ARMC9: variants seen among roughly 807,000 people sequenced by gnomAD.
ARMC9 encodes lisH domain-containing protein ARMC9.
In ARMC9, 94 loss-of-function variants were observed where a neutral mutation model predicts 107.0. The ratio of observed to expected loss-of-function variants is 0.88; its 90% CI spans 0.74 to 1.04. ARMC9 has a LOEUF of 1.04. ARMC9 is among the 50% of genes least tolerant of loss of function. The probability of loss-of-function intolerance (pLI) is 0.00; values close to 1 mark genes in which losing one functional copy is unlikely to be tolerated. For synonymous variants in ARMC9, 380 were observed against 396.9 expected (o/e 0.96, Z 0.51); for missense variants, 942 against 1,030.1 (o/e 0.91, Z 1.17).
At chr2:231,232,832 A>G (rs2035361821) in intron 7 of ARMC9, among the ~76,000 whole-genome samples, 1 of 151,986 alleles carries the variant, frequency 6.6e-6, no homozygotes, top group African/African-American at 2.4e-5. Context: ...ATTATCATTG[A>G]TATTTTGGGT....
At chr2:231,312,957 G>A (rs889171188) in intron 19 of ARMC9, among the ~76,000 whole-genome samples, 1 of 152,064 alleles carries the variant, frequency 6.6e-6, no homozygotes, top group Non-Finnish European at 1.5e-5. Flanking sequence ...AACTGACTTG[G>A]CTAGAATTCA....
At chr2:231,308,269 C>G (rs539143944) in intron 19 of ARMC9, among the ~76,000 whole-genome samples, 1 of 152,364 alleles carries the variant, frequency 6.6e-6, no homozygotes, top group African/African-American at 2.4e-5. Flanking sequence ...TCCCCTCACC[C>G]TTCTGCCAGG....
intron 19 of ARMC9, among the ~76,000 whole-genome samples, chr2:231,319,627 G>A (rs1490165769): frequency 1.3e-5 from 2 of 152,166 alleles, no homozygotes; most frequent in African/African-American, 4.8e-5. Context: ...TCTACACACT[G>A]TGGCTCATCG....
At chr2:231,296,622 C>T (rs932528602) in intron 19 of ARMC9, among the ~76,000 whole-genome samples, 2 of 152,126 alleles carry the variant, frequency 1.3e-5, no homozygotes, top group Non-Finnish European at 2.9e-5. Context: ...GGCGTGTAGG[C>T]GCCTGGCGAG....
chr2:231,276,775 G>A lies in ARMC9; in HGVS notation c.1474G>A (p.Gly492Arg), dbSNP rs780265931. The change falls in exon 15 of 25, where the codon GGG (glycine) becomes AGG (arginine). Residue 492 changes from glycine (G) to arginine (R), a missense_variant and splice_region_variant. Transcript: ENST00000611582. ...LLMNLCLRST[G>R]KNMCAKVAGL... ...CATGAACCTCTGCCTCCGCAGCACA[G>A]GTCTCAGCCCCGACCCTCATTCTAG... 1.2e-6 allele frequency: 2 copies of A among 1,613,852 alleles called. No individual in the cohort carries two copies. Among genetic ancestry groups the A allele is most frequent in the Non-Finnish European group, 8.5e-7 (1 of 1,179,984 alleles).
At chr2:231,308,250 C>T (rs968467400) in intron 19 of ARMC9, among the ~76,000 whole-genome samples, 2 of 152,250 alleles carry the variant, frequency 1.3e-5, no homozygotes, top group African/African-American at 4.8e-5. Context: ...CTGGCTTTCT[C>T]CCGTGTATTC....
chr2:231,261,623 A>G (rs1169973720), intron 11 of ARMC9, among the ~76,000 whole-genome samples: 9 of 152,054 alleles, frequency 5.9e-5, no homozygotes, highest in Non-Finnish European at 1.0e-4. Context: ...CACTGTGCTC[A>G]TGCTCCCCTG....
In ARMC9 at chr2:231,222,766, G is replaced by A; in HGVS notation, c.543G>A (p.Lys181=). 6.3e-7 allele frequency: 1 copy of A among 1,594,694 alleles called. No homozygotes were observed. Among genetic ancestry groups the A allele is most frequent in the Non-Finnish European group, 8.6e-7 (1 of 1,164,506 alleles). The change falls in exon 6 of 25, where the codon AAG becomes AAA. Residue 181 remains lysine, a synonymous_variant. Transcript: ENST00000611582. ...CAGAGTTAAAGTTGAAGTTGATAAA[G>A]TTTCTAGCTTTAATATCTAAAGCCA... is the stretch of plus-strand genomic sequence containing the variant. The part of the protein sequence containing the change: ...WTPELKLKLI[K]FLALISKASN...
intron 19 of ARMC9, among the ~76,000 whole-genome samples, chr2:231,298,794 C>A (rs1157870151): frequency 6.6e-6 from 1 of 152,138 alleles, no homozygotes; most frequent in East Asian, 1.9e-4. Context: ...TTAGCTGGTT[C>A]ATGGTGGCGT....
At chr2:231,368,679 C>T (rs1011015699) in intron 23 of ARMC9, among the ~76,000 whole-genome samples, 2 of 152,196 alleles carry the variant, frequency 1.3e-5, no homozygotes, top group East Asian at 1.9e-4. Context: ...AGCTGGAGGG[C>T]CCTGGCGTGA....
intron 14 of ARMC9, among the ~76,000 whole-genome samples, chr2:231,275,971 A>C (rs1323321751): frequency 6.6e-6 from 1 of 152,090 alleles, no homozygotes; most frequent in African/African-American, 2.4e-5. Flanking sequence ...AAAAACAAAA[A>C]ACCTATTTGT....
intron 24 of ARMC9, chr2:231,370,953 T>C: frequency 2.5e-6 from 1 of 404,322 alleles, no homozygotes; most frequent in African/African-American, 2.1e-5. Context: ...CCCTGGGCGC[T>C]CTGGTCAGCT....
intron 19 of ARMC9, among the ~76,000 whole-genome samples, chr2:231,317,028 A>G (rs1444513480): frequency 6.6e-6 from 1 of 152,050 alleles, no homozygotes; most frequent in Admixed American, 6.5e-5. Context: ...CCAGCTGTTA[A>G]TTGCATATTT....
At chr2:231,279,583 T>C (rs2040045536) in intron 16 of ARMC9, among the ~76,000 whole-genome samples, 1 of 149,290 alleles carries the variant, frequency 6.7e-6, no homozygotes, top group South Asian at 2.2e-4. Flanking sequence ...TGATCTTGGC[T>C]CACTGCAACC....
At chr2:231,235,924 G>A (rs1274089159) in intron 8 of ARMC9, among the ~76,000 whole-genome samples, 1 of 152,166 alleles carries the variant, frequency 6.6e-6, no homozygotes, top group Non-Finnish European at 1.5e-5. Context: ...TTACAAATGT[G>A]AGCCACTGCG....
chr2:231,369,833 A>T, intron 23 of ARMC9, 120 bp from the exon 24 acceptor site: 1 of 1,087,756 alleles, frequency 9.2e-7, no homozygotes, highest in South Asian at 3.1e-5. Flanking sequence ...ACTTCAGGTG[A>T]TTTGTCCGCC....
At chr2:231,347,653 C>T (rs190452864) in intron 21 of ARMC9, among the ~76,000 whole-genome samples, 2 of 152,338 alleles carry the variant, frequency 1.3e-5, no homozygotes, top group African/African-American at 4.8e-5. Flanking sequence ...CTCTTCTCTA[C>T]ACCACCTATA....
At chr2:231,200,100 T>G (rs1365712827) in intron 1 of ARMC9, among the ~76,000 whole-genome samples, 1 of 151,926 alleles carries the variant, frequency 6.6e-6, no homozygotes, top group Non-Finnish European at 1.5e-5. Flanking sequence ...CTTAGGGAGG[T>G]CTACTCTAAG....
At chr2:231,240,831 C>T (rs2036226384) in intron 9 of ARMC9, among the ~76,000 whole-genome samples, 1 of 152,186 alleles carries the variant, frequency 6.6e-6, no homozygotes, top group Non-Finnish European at 1.5e-5. Context: ...TAATCTTGAA[C>T]ATTTCCTCAG....
Sources: gnomAD v4.1 joint callset for allele counts (sites outside exome capture counted in the v4.1 genomes callset) on GRCh38, gnomAD v4.1.1 for gene constraint, MANE v1.5 for transcripts, NCBI Gene and HGNC (gene_info 2026-07-23, HGNC 2026-07-21) for gene names.